Variants in EPS8 observed in about 807,000 individuals in gnomAD.
EPS8 encodes the protein EGFR pathway substrate 8, signaling adaptor, also known as epidermal growth factor receptor kinase substrate 8.
A neutral mutation model predicts 103.8 loss-of-function variants in EPS8; 42 were observed. The ratio of observed to expected loss-of-function variants is 0.40; its 90% CI spans 0.32 to 0.52. The LOEUF (loss-of-function observed/expected upper bound fraction) is 0.52, where lower values mean the gene tolerates loss of function less well. Among genes scored for constraint, EPS8 ranks in the 20% least tolerant of loss-of-function variants. EPS8 has a pLI of 0.40. For synonymous variants in EPS8, 344 were observed against 344.6 expected (o/e 1.00, Z 0.02); for missense variants, 969 against 1,005.1 (o/e 0.96, Z 0.49).
At chr12:15,681,743 A>AAG in intron 2 of EPS8, among the ~76,000 whole-genome samples, 1 of 151,232 alleles carries the variant, frequency 6.6e-6, no homozygotes, top group East Asian at 1.9e-4. Context: ...AAAAAAAAAA[A>AAG]AAAAAAAAAA....
chr12:15,645,990 CA>C (rs1355393851), intron 15 of EPS8, among the ~76,000 whole-genome samples: 1 of 151,742 alleles, frequency 6.6e-6, no homozygotes, highest in Non-Finnish European at 1.5e-5. Flanking sequence ...CTAAGACAGA[CA>C]GAAAGAAAAA....
chr12:15,689,594 A>G (rs1326005672), intron 1 of EPS8, among the ~76,000 whole-genome samples: 1 of 152,226 alleles, frequency 6.6e-6, no homozygotes, highest in Non-Finnish European at 1.5e-5. Context: ...AAATCAGGCT[A>G]ATTAGCATAT....
chr12:15,739,024 A>C (rs74063363), intron 1 of EPS8, among the ~76,000 whole-genome samples: 4,971 of 152,262 alleles, frequency 0.033, 247 homozygotes, highest in African/African-American at 0.11. Context: ...CTGGGTTACT[A>C]TTCTAAGCCT....
In EPS8 at chr12:15,663,950, T is replaced by TA. The variant is rs375723916; in HGVS notation, c.736+1805dup. ...AAAAAAAAAAAAAAAAAAAAAATAA[T>TA]ATATATATATATATATATATATATA... On this transcript the variant is annotated intron_variant, in intron 8 of 20. Transcript: ENST00000281172. 9.2e-3 allele frequency among the ~76,000 whole-genome samples: 569 copies of TA among 61,584 alleles called. 13 individuals carry two copies. The highest frequency in any genetic ancestry group is 0.03 in the African/African-American group (382 of 12,900). 40.4% of individuals were successfully genotyped at this position (61,584 alleles called of 152,430 possible). A position where few individuals can be genotyped will look rare whatever the true frequency, so the allele number is the denominator to read the frequency against.
At position 15,779,990 on chromosome 12, in the gene EPS8, C is replaced by G. The variant is rs1201441531; in HGVS notation, c.-22+9171G>C. The G allele has an allele frequency of 6.6e-6, 1 of 152,162 alleles. No homozygotes were observed. Among genetic ancestry groups the G allele is most frequent in the Non-Finnish European group, 1.5e-5 (1 of 68,030 alleles). 9.4% of individuals were successfully genotyped at this position (152,162 alleles called of 1,614,324 possible). A position where few individuals can be genotyped will look rare whatever the true frequency, so the allele number is the denominator to read the frequency against. On this transcript the variant is annotated intron_variant, in intron 1 of 20. Transcript: ENST00000281172. This position sits in a 1 kb window ranked among gnomAD's most constrained non-coding sequence, Gnocchi z 4.3. ...TAAGAATGGTTTGAAACAGGACCTC[C>G]AATTTCACCCAAAAACATGCAAGTT...
intron 13 of EPS8, among the ~76,000 whole-genome samples, chr12:15,652,917 C>A (rs1009650948): frequency 6.6e-6 from 1 of 151,890 alleles, no homozygotes; most frequent in South Asian, 2.1e-4. Context: ...GTCTAAGTGG[C>A]CATACTAAGT....
At chr12:15,640,358 T>C (rs1945207540) in intron 17 of EPS8, among the ~76,000 whole-genome samples, 1 of 152,136 alleles carries the variant, frequency 6.6e-6, no homozygotes, top group South Asian at 2.1e-4. Context: ...TGCCATCCTC[T>C]ATCAAGAGGA....
At position 15,734,422 on chromosome 12, in the gene EPS8, C is replaced by A. The variant is rs11056610; in HGVS notation, c.-21-51450G>T. On this transcript the variant is annotated intron_variant, in intron 1 of 20. Coordinates refer to ENST00000281172, the MANE Select transcript of EPS8 (RefSeq NM_004447.6). This position sits in a 1 kb window ranked among gnomAD's most constrained non-coding sequence, Gnocchi z 4.1. ...TAAAAAGATTCTCTGTGGTTGGGCA[C>A]GGTGGCTCACACCTGTAATCCCAGC... 1.3e-5 allele frequency among the ~76,000 whole-genome samples: 2 copies of A among 152,036 alleles called. No homozygotes were observed.
intron 8 of EPS8, among the ~76,000 whole-genome samples, chr12:15,664,797 G>C (rs1441206330): frequency 6.6e-6 from 1 of 152,196 alleles, no homozygotes; most frequent in Non-Finnish European, 1.5e-5. Context: ...CATCAGATTG[G>C]AGCCTGCTGA....
rs1465730213 is a variant in EPS8 at position 15,725,925 on chromosome 12, T to C, written c.-21-42953A>G. On this transcript the variant is annotated intron_variant, in intron 1 of 20. Transcript: ENST00000281172. The surrounding 1 kb of genome is among the most constrained non-coding windows in gnomAD (Gnocchi z 4.5). ...TCTGTTTTACAAATACAGGTATAGA[T>C]ACACATATTAAAAGTGTACACATAG... Among the ~76,000 whole-genome samples the C allele has an allele frequency of 6.6e-6, 1 of 152,148 alleles. No homozygotes were observed. Among genetic ancestry groups the C allele is most frequent in the Non-Finnish European group, 1.5e-5 (1 of 68,026 alleles).
chr12:15,785,493 T>C lies in EPS8; in HGVS notation c.-22+3668A>G, dbSNP rs959164965. Among the ~76,000 whole-genome samples, 2 of 152,164 alleles carry C rather than the reference T, an allele frequency of 1.3e-5. No individual in the cohort carries two copies. Among genetic ancestry groups the C allele is most frequent in the Non-Finnish European group, 2.9e-5 (2 of 67,968 alleles). On this transcript the variant is annotated intron_variant, in intron 1 of 20. Coordinates refer to ENST00000281172, the MANE Select transcript of EPS8 (RefSeq NM_004447.6). This position sits in a 1 kb window ranked among gnomAD's most constrained non-coding sequence, Gnocchi z 4.9. ...AAGGCTAGAATGATACCTGTGGTAA[T>C]GAATTAGCATTACAGATAAAATGTA... is the stretch of plus-strand genomic sequence containing the variant.
At chr12:15,646,288 A>T (rs1393494888) in intron 15 of EPS8, among the ~76,000 whole-genome samples, 2 of 152,172 alleles carry the variant, frequency 1.3e-5, no homozygotes, top group East Asian at 3.9e-4. Context: ...CTTTCTTCAG[A>T]TTATATTAAG....
chr12:15,680,830 A>G (rs1945992010), intron 3 of EPS8, among the ~76,000 whole-genome samples: 1 of 152,178 alleles, frequency 6.6e-6, no homozygotes, highest in African/African-American at 2.4e-5. Context: ...AACATCTATT[A>G]GACATACTGT....
chr12:15,634,231 T>C (rs1284029486), intron 17 of EPS8, among the ~76,000 whole-genome samples: 2 of 152,202 alleles, frequency 1.3e-5, no homozygotes, highest in Non-Finnish European at 2.9e-5. Flanking sequence ...GGAGGGTTGG[T>C]CAGCCTGGTG....
In EPS8 at chr12:15,713,017, T is replaced by C. The variant is rs1192114143; in HGVS notation, c.-21-30045A>G. On this transcript the variant is annotated intron_variant, in intron 1 of 20. Transcript: ENST00000281172. The surrounding 1 kb of genome is among the most constrained non-coding windows in gnomAD (Gnocchi z 4.8). The stretch of plus-strand genomic sequence containing the variant: ...GTACTGTACCAAACAAAATTTCTGA[T>C]TTGGTTTCTCTAGGGCGTTAACTAA... 3.0e-6 allele frequency: 3 copies of C among 985,224 alleles called. No individual in the cohort carries two copies. Among genetic ancestry groups the C allele is most frequent in the East Asian group, 2.3e-4 (2 of 8,824 alleles). The allele number at this position is 985,224 out of a possible 1,614,324, so 61.0% of individuals were successfully genotyped here.
rs149295440 is a variant in EPS8, at chr12:15,730,701, C to T, written c.-21-47729G>A. On this transcript the variant is annotated intron_variant, in intron 1 of 20. Transcript: ENST00000281172. ...TCCTGTTTTCCTTTTAAGAGAATTA[C>T]GAACCTATTAGGACCACTATACATT... Among the ~76,000 whole-genome samples the T allele has an allele frequency of 1.1e-4, 17 of 152,236 alleles. No individual in the cohort carries two copies. The East Asian group carries it at 1.9e-3, about 17-fold the overall frequency.
rs934725635 is a variant in EPS8 at position 15,772,857 on chromosome 12, A to C, written c.-22+16304T>G. Among the ~76,000 whole-genome samples the C allele has an allele frequency of 6.6e-6, 1 of 152,224 alleles. No homozygotes were observed. Among genetic ancestry groups the C allele is most frequent in the African/African-American group, 2.4e-5 (1 of 41,456 alleles). On this transcript the variant is annotated intron_variant, in intron 1 of 20. Transcript: ENST00000281172. This position sits in a 1 kb window ranked among gnomAD's most constrained non-coding sequence, Gnocchi z 5.0. Reference sequence around the variant, plus strand: ...GGTCTACAAAGTACCAGAAACCCTAAATGGTAAAAATTCATAGTGAACGAG... The same window carrying C: ...GGTCTACAAAGTACCAGAAACCCTACATGGTAAAAATTCATAGTGAACGAG...
At chr12:15,699,410 G>A (rs1299180385) in intron 1 of EPS8, among the ~76,000 whole-genome samples, 1 of 152,186 alleles carries the variant, frequency 6.6e-6, no homozygotes, top group African/African-American at 2.4e-5. Flanking sequence ...TGATTGTTAT[G>A]AGGATTATAT....
chr12:15,692,003 T>C (rs764073315), intron 1 of EPS8, among the ~76,000 whole-genome samples: 1 of 152,150 alleles, frequency 6.6e-6, no homozygotes, highest in Non-Finnish European at 1.5e-5. Flanking sequence ...CCCAGATATA[T>C]GACTGCTCCA....
Sources: gnomAD v4.1 joint callset for allele counts (sites outside exome capture counted in the v4.1 genomes callset) on GRCh38, gnomAD v4.1.1 for gene constraint, Gnocchi (gnomAD v3.1) non-coding constraint, MANE v1.5 for transcripts, NCBI Gene and HGNC (gene_info 2026-07-23, HGNC 2026-07-21) for gene names.